The following ADAMTS17 variants were observed in gnomAD, a reference collection of about 807,000 sequenced individuals.
The protein encoded by ADAMTS17 is ADAM metallopeptidase with thrombospondin type 1 motif 17, also known as A disintegrin and metalloproteinase with thrombospondin motifs 17.
ADAMTS17 carries 113 observed loss-of-function variants against 141.5 expected under a neutral mutation model. The ratio of observed to expected loss-of-function variants is 0.80; its 90% CI spans 0.69 to 0.93. The LOEUF is 0.93. ADAMTS17 is among the 40% of genes least tolerant of loss of function. The probability of loss-of-function intolerance (pLI) is 0.00; values close to 1 mark genes in which losing one functional copy is unlikely to be tolerated. For synonymous variants in ADAMTS17, 768 were observed against 630.6 expected, an observed-to-expected ratio of 1.22 and a Z score of -3.27; for missense variants, 1,659 against 1,517.9, an observed-to-expected ratio of 1.09 and a Z score of -1.54.
chr15:100,266,956 C>A (rs1225073231), intron 4 of ADAMTS17, among the ~76,000 whole-genome samples: 2 of 152,188 alleles, frequency 1.3e-5, no homozygotes, highest in African/African-American at 4.8e-5. Flanking sequence ...CCCAGTAAAT[C>A]AATCTGAGTA....
chr15:100,096,932 C>T (rs1375462988), intron 14 of ADAMTS17, among the ~76,000 whole-genome samples: 1 of 152,242 alleles, frequency 6.6e-6, no homozygotes, highest in Non-Finnish European at 1.5e-5. Flanking sequence ...GAACATACAA[C>T]AGAAACCACA....
At chr15:100,202,295 A>G (rs1015995529) in intron 7 of ADAMTS17, among the ~76,000 whole-genome samples, 2 of 152,234 alleles carry the variant, frequency 1.3e-5, no homozygotes, top group South Asian at 4.1e-4. Flanking sequence ...TAATTTTTCC[A>G]AGGTGCAGAT....
At chr15:100,193,815 T>G (rs2041011594) in intron 8 of ADAMTS17, among the ~76,000 whole-genome samples, 1 of 152,204 alleles carries the variant, frequency 6.6e-6, no homozygotes. Context: ...AATGGTTTTT[T>G]GACCGAAGCA....
chr15:100,252,698 C>T (rs560216751), intron 7 of ADAMTS17, among the ~76,000 whole-genome samples: 5 of 152,330 alleles, frequency 3.3e-5, no homozygotes, highest in African/African-American at 9.6e-5. Flanking sequence ...ATCCTTCACA[C>T]GGCCTTTGTC....
chr15:100,262,515 G>C (rs74039109), intron 4 of ADAMTS17, 80 bp from the exon 5 acceptor site: 3 of 1,045,502 alleles, frequency 2.9e-6, no homozygotes, highest in Non-Finnish European at 4.3e-6. Context: ...TGGGAACTTG[G>C]GACACAGAAA....
Position 100,179,573 on chromosome 15 carries a change from T to G in ADAMTS17, c.1181+19745A>C, listed in dbSNP as rs117663281. On this transcript the variant is annotated intron_variant, in intron 8 of 21. Coordinates refer to ENST00000268070, the MANE Select transcript of ADAMTS17 (RefSeq NM_139057.4). Reference sequence around the variant, plus strand: ...TTGGGTATATACCTAGCAGAGAGATTGCTGGATCACAAAAATAGTTCTATT... The same window carrying G: ...TTGGGTATATACCTAGCAGAGAGATGGCTGGATCACAAAAATAGTTCTATT... Among the ~76,000 whole-genome samples, 302 of 152,354 alleles carry G rather than the reference T, an allele frequency of 2.0e-3. 9 individuals are homozygous for G. In the East Asian group the frequency reaches 0.05, roughly 25 times the overall value.
intron 15 of ADAMTS17, among the ~76,000 whole-genome samples, chr15:100,086,280 T>G (rs565006268): frequency 1.3e-5 from 2 of 151,974 alleles, no homozygotes; most frequent in South Asian, 4.2e-4. Context: ...AGGGATCAAT[T>G]CAACAAGAAG....
intron 17 of ADAMTS17, among the ~76,000 whole-genome samples, chr15:100,050,247 C>T (rs1249550421): frequency 6.6e-6 from 1 of 152,212 alleles, no homozygotes; most frequent in African/African-American, 2.4e-5. Context: ...AAGCCAACAG[C>T]AACAGAACAG....
chr15:100,243,609 G>A (rs2042893053), intron 7 of ADAMTS17, among the ~76,000 whole-genome samples: 1 of 152,086 alleles, frequency 6.6e-6, no homozygotes, highest in South Asian at 2.1e-4. Flanking sequence ...GGCCAACACG[G>A]TCAAACACTA....
intron 20 of ADAMTS17, among the ~76,000 whole-genome samples, chr15:99,977,400 AATTTTTTT>A (rs1427878184): frequency 4.2e-3 from 20 of 4,756 alleles, no homozygotes; most frequent in African/African-American, 9.9e-3. Flanking sequence ...ATATATATAT[AATTTTTTT>A]TTTTTTTTTT....
chr15:100,233,671 G>C (rs548960414), intron 7 of ADAMTS17, among the ~76,000 whole-genome samples: 1 of 152,264 alleles, frequency 6.6e-6, no homozygotes, highest in Non-Finnish European at 1.5e-5. Flanking sequence ...AGCAATAACT[G>C]AAAACTAAAT....
chr15:100,321,648 C>T (rs2045737544), intron 3 of ADAMTS17, among the ~76,000 whole-genome samples: 1 of 152,172 alleles, frequency 6.6e-6, no homozygotes, highest in African/African-American at 2.4e-5. Flanking sequence ...GCTCACCAGC[C>T]GTACAGCTCA....
rs144768579 is a variant in ADAMTS17 at position 100,300,354 on chromosome 15, C to T, written c.617-18953G>A. 1.4e-3 allele frequency among the ~76,000 whole-genome samples: 215 copies of T among 152,238 alleles called. 1 individual carries two copies. The highest frequency in any genetic ancestry group is 4.9e-3 in the African/African-American group (202 of 41,538). On this transcript the variant is annotated intron_variant, in intron 3 of 21. Transcript: ENST00000268070. ...CCCATCATCAGAATGGCATTCTTTC[C>T]CAAAGAATCCCTTCCCAAATGCCAA... is the stretch of plus-strand genomic sequence containing the variant.
At chr15:100,077,333 G>GTGCC (rs898186850) in intron 15 of ADAMTS17, among the ~76,000 whole-genome samples, 3 of 146,896 alleles carry the variant, frequency 2.0e-5, no homozygotes, top group Admixed American at 6.9e-5. Flanking sequence ...ATGGTGGTGC[G>GTGCC]TGCCTGTAAT....
intron 20 of ADAMTS17, among the ~76,000 whole-genome samples, chr15:99,977,804 C>T (rs1373367502): frequency 6.6e-6 from 1 of 152,094 alleles, no homozygotes; most frequent in Non-Finnish European, 1.5e-5. Flanking sequence ...AGCTTTTCGG[C>T]CCCTGCTTTC....
rs547079074 is a variant in ADAMTS17, at chr15:100,293,182, G to A, written c.617-11781C>T. Among the ~76,000 whole-genome samples, 6 of 152,264 alleles carry A rather than the reference G, an allele frequency of 3.9e-5. No homozygotes were observed. The South Asian group carries it at 1.2e-3, about 32-fold the overall frequency. ...GAGTTATTATCGCACCCAGAAGAGG[G>A]GCCAAGAAAAAGTGGGGAGGATGGG... is the stretch of plus-strand genomic sequence containing the variant. On this transcript the variant is annotated intron_variant, in intron 3 of 21. Transcript: ENST00000268070.
At chr15:100,044,478 G>C (rs966209577) in intron 18 of ADAMTS17, among the ~76,000 whole-genome samples, 2 of 152,122 alleles carry the variant, frequency 1.3e-5, no homozygotes, top group Non-Finnish European at 2.9e-5. Flanking sequence ...TTCAGATATT[G>C]TATTTATTTT....
At chr15:100,136,629 G>C (rs1168384238) in intron 10 of ADAMTS17, among the ~76,000 whole-genome samples, 1 of 152,206 alleles carries the variant, frequency 6.6e-6, no homozygotes, top group Non-Finnish European at 1.5e-5. Flanking sequence ...CTTTTCCAAA[G>C]AGGAGGTCAA....
chr15:100,200,807 C>T (rs2041300877), intron 7 of ADAMTS17, among the ~76,000 whole-genome samples: 1 of 152,140 alleles, frequency 6.6e-6, no homozygotes, highest in Non-Finnish European at 1.5e-5. Context: ...CATGGGCTGT[C>T]CCTCTGTCGA....
Sources: gnomAD v4.1 joint callset for allele counts (sites outside exome capture counted in the v4.1 genomes callset) on GRCh38, gnomAD v4.1.1 for gene constraint, MANE v1.5 for transcripts, NCBI Gene and HGNC (gene_info 2026-07-23, HGNC 2026-07-21) for gene names.